PDE11A: variants seen among roughly 807,000 people sequenced by gnomAD.
PDE11A encodes phosphodiesterase 11A.
Under a neutral mutation model 100.5 loss-of-function variants are expected in PDE11A, and 100 were observed. That is an observed-to-expected ratio of 1.00 (90% CI 0.85 to 1.18). PDE11A has a LOEUF of 1.18. PDE11A is among the 50% of genes most tolerant of loss of function. PDE11A has a pLI of 0.00. For synonymous variants in PDE11A, 381 were observed against 420.8 expected, an observed-to-expected ratio of 0.91 and a Z score of 1.16; for missense variants, 1,141 against 1,152.6, an observed-to-expected ratio of 0.99 and a Z score of 0.15.
chr2:177,802,393 A>G (rs2082806793), intron 9 of PDE11A, among the ~76,000 whole-genome samples: 1 of 152,114 alleles, frequency 6.6e-6, no homozygotes, highest in Admixed American at 6.6e-5. Flanking sequence ...GTTCACAAAA[A>G]TACTTATACA....
intron 1 of PDE11A, among the ~76,000 whole-genome samples, chr2:178,016,215 G>A (rs750645802): frequency 1.3e-4 from 17 of 134,064 alleles, no homozygotes; most frequent in Admixed American, 4.5e-4. Context: ...ACTCCTGACC[G>A]CAGGTGATCC....
intron 10 of PDE11A, among the ~76,000 whole-genome samples, chr2:177,755,818 A>T (rs1365907030): frequency 1.3e-5 from 2 of 152,240 alleles, no homozygotes; most frequent in African/African-American, 4.8e-5. Flanking sequence ...GCCAGTCTGC[A>T]GTGAGTACCC....
intron 1 of PDE11A, among the ~76,000 whole-genome samples, chr2:178,032,802 G>A (rs976281651): frequency 6.6e-6 from 1 of 152,354 alleles, no homozygotes; most frequent in South Asian, 2.1e-4. Context: ...ACCTGCAGAA[G>A]AGGGACCTGA....
chr2:178,090,690 G>A (rs1047976107), intron 2 of PDE11A, among the ~76,000 whole-genome samples: 14 of 152,184 alleles, frequency 9.2e-5, no homozygotes, highest in African/African-American at 3.1e-4. Flanking sequence ...ATGCCAATTA[G>A]GATAGGAGGT....
intron 2 of PDE11A, among the ~76,000 whole-genome samples, chr2:178,079,795 G>C (rs535461692): frequency 6.6e-6 from 1 of 152,222 alleles, no homozygotes; most frequent in African/African-American, 2.4e-5. Flanking sequence ...AAACTCGCTA[G>C]CATATGTTGT....
intron 2 of PDE11A, among the ~76,000 whole-genome samples, chr2:177,952,523 G>A (rs1274922713): frequency 6.6e-6 from 1 of 152,160 alleles, no homozygotes; most frequent in African/African-American, 2.4e-5. Flanking sequence ...CTGTCCTTTA[G>A]TTTCTGATAC....
intron 16 of PDE11A, among the ~76,000 whole-genome samples, chr2:177,679,587 T>C (rs2080829713): frequency 6.6e-6 from 1 of 152,136 alleles, no homozygotes; most frequent in African/African-American, 2.4e-5. Flanking sequence ...TATATATTCA[T>C]ATAATTACTC....
intron 2 of PDE11A, among the ~76,000 whole-genome samples, chr2:178,087,029 A>G (rs1408945053): frequency 2.0e-5 from 3 of 152,202 alleles, no homozygotes; most frequent in Non-Finnish European, 2.9e-5. Context: ...ACCTCCACCA[A>G]TGGATGGCTG....
chr2:177,834,001 G>A (rs1356674783), intron 6 of PDE11A, among the ~76,000 whole-genome samples: 1 of 152,206 alleles, frequency 6.6e-6, no homozygotes, highest in East Asian at 1.9e-4. Context: ...TAATGCAGAG[G>A]AGGAGCCTGG....
intron 1 of PDE11A, among the ~76,000 whole-genome samples, chr2:178,105,931 T>C (rs78251479): frequency 0.022 from 3,386 of 152,314 alleles, 68 homozygotes; most frequent in Admixed American, 0.053. Flanking sequence ...TTTTGTGTTC[T>C]GTGAAGAATG....
At position 177,779,154 on chromosome 2, in the gene PDE11A, A is replaced by G. The variant is rs371414045; in HGVS notation, c.1738-9781T>C. Among the ~76,000 whole-genome samples, 11 of 152,352 alleles carry G rather than the reference A, an allele frequency of 7.2e-5. No homozygotes were observed. In the South Asian group the frequency reaches 1.9e-3, roughly 26 times the overall value. On this transcript the variant is annotated intron_variant, in intron 9 of 19. Coordinates refer to ENST00000286063, the MANE Select transcript of PDE11A (RefSeq NM_016953.4). ...TTATGTTTATACTATGCTGTAGCCT[A>G]TTAAGTGTGTAATAGCATATCTAAA...
intron 2 of PDE11A, among the ~76,000 whole-genome samples, chr2:178,012,657 C>T (rs2086285987): frequency 6.6e-6 from 1 of 152,150 alleles, no homozygotes; most frequent in Non-Finnish European, 1.5e-5. Context: ...TTATTCACAG[C>T]TCATGAAGCT....
chr2:177,837,268 C>T (rs999276967), intron 6 of PDE11A, among the ~76,000 whole-genome samples: 14 of 152,136 alleles, frequency 9.2e-5, no homozygotes, highest in African/African-American at 3.4e-4. Flanking sequence ...TACTTTAGGA[C>T]AGGATGTGGG....
At chr2:177,925,204 C>G (rs1222425012) in intron 2 of PDE11A, among the ~76,000 whole-genome samples, 5 of 151,072 alleles carry the variant, frequency 3.3e-5, no homozygotes, top group African/African-American at 9.7e-5. Context: ...GTGCATGTGT[C>G]TTTATAGCAC....
chr2:177,874,946 G>A lies in PDE11A; in HGVS notation c.1367+913C>T, dbSNP rs995966275. Among the ~76,000 whole-genome samples, 5 of 152,100 alleles carry A rather than the reference G, an allele frequency of 3.3e-5. No individual in the cohort carries two copies. The South Asian group carries it at 6.2e-4, about 19-fold the overall frequency. ...TATTTCAAAACATTACAAGGTGGCC[G>A]GGCACAGTGGTTCGCACCTGTAATG... On this transcript the variant is annotated intron_variant, in intron 5 of 19. Transcript: ENST00000286063.
chr2:177,812,093 T>C (rs565936603), intron 9 of PDE11A, among the ~76,000 whole-genome samples: 3 of 152,258 alleles, frequency 2.0e-5, no homozygotes, highest in East Asian at 1.9e-4. Context: ...TAAGTACCAG[T>C]TGTAACTAAA....
intron 10 of PDE11A, among the ~76,000 whole-genome samples, chr2:177,738,513 T>C (rs2081826326): frequency 6.6e-6 from 1 of 152,242 alleles, no homozygotes; most frequent in Non-Finnish European, 1.5e-5. Flanking sequence ...CAGTCCAGCA[T>C]GATCTTTCTG....
chr2:177,839,698 T>C (rs1054859617), intron 6 of PDE11A, among the ~76,000 whole-genome samples: 2 of 152,214 alleles, frequency 1.3e-5, no homozygotes, highest in African/African-American at 2.4e-5. Flanking sequence ...GGAAACCTTG[T>C]ATTTAATGAA....
chr2:177,904,437 A>T (rs190014579), intron 3 of PDE11A, among the ~76,000 whole-genome samples: 449 of 152,324 alleles, frequency 2.9e-3, no homozygotes, highest in Admixed American at 5.8e-3. Flanking sequence ...TTTGTAACAT[A>T]ACTTGCTTCT....
Sources: gnomAD v4.1 joint callset for allele counts (sites outside exome capture counted in the v4.1 genomes callset) on GRCh38, gnomAD v4.1.1 for gene constraint, MANE v1.5 for transcripts, NCBI Gene and HGNC (gene_info 2026-07-23, HGNC 2026-07-21) for gene names.